Variants in CEP128 observed in about 807,000 individuals in gnomAD.
CEP128 encodes the protein centrosomal protein 128, also known as centrosomal protein 128kDa.
In CEP128, 132 loss-of-function variants were observed where a neutral mutation model predicts 156.7. The ratio of observed to expected loss-of-function variants is 0.84; its 90% CI spans 0.73 to 0.97. The LOEUF (loss-of-function observed/expected upper bound fraction) is 0.97, where lower values mean the gene tolerates loss of function less well. Among genes scored for constraint, CEP128 ranks in the 50% least tolerant of loss-of-function variants. The pLI, the probability that CEP128 is intolerant of heterozygous loss-of-function variation, is 0.00. For synonymous variants in CEP128, 469 were observed against 448.9 expected (o/e 1.04, Z -0.57); for missense variants, 1,252 against 1,281.9 (o/e 0.98, Z 0.36).
chr14:80,849,062 G>A (rs894675449), intron 9 of CEP128, among the ~76,000 whole-genome samples: 68 of 152,138 alleles, frequency 4.5e-4, no homozygotes, highest in African/African-American at 1.4e-3. Flanking sequence ...GTAGTGGTAG[G>A]AAATGAACAG....
In CEP128 at chr14:80,729,062, T is replaced by G. The variant is rs1261430951; in HGVS notation, c.2806+14013A>C. Among the ~76,000 whole-genome samples, 204 of 30,664 alleles carry G rather than the reference T, an allele frequency of 6.7e-3. 5 individuals are homozygous for G. Among genetic ancestry groups the G allele is most frequent in the African/African-American group, 0.016 (133 of 8,532 alleles). The allele number at this position is 30,664 out of a possible 152,430, so 20.1% of individuals were successfully genotyped here. A position where few individuals can be genotyped will look rare whatever the true frequency, so the allele number is the denominator to read the frequency against. ...GTCCCAGGCTGGGCTGGTGGGGGTG[T>G]GTGTGTGTGTGTGTGTGTGTGTGTG... On this transcript the variant is annotated intron_variant, in intron 19 of 24. Transcript: ENST00000555265.
At chr14:80,863,166 A>G (rs1198041688) in intron 8 of CEP128, among the ~76,000 whole-genome samples, 1 of 152,222 alleles carries the variant, frequency 6.6e-6, no homozygotes, top group Non-Finnish European at 1.5e-5. Context: ...TAAAAGTAAT[A>G]CACTAGAAAA....
At chr14:80,935,909 G>C (rs1316965156) in intron 2 of CEP128, among the ~76,000 whole-genome samples, 1 of 152,058 alleles carries the variant, frequency 6.6e-6, no homozygotes, top group African/African-American at 2.4e-5. Flanking sequence ...CAATATGACA[G>C]GTAAGGAAAC....
At chr14:80,787,162 C>T (rs1901452767) in intron 14 of CEP128, among the ~76,000 whole-genome samples, 1 of 152,148 alleles carries the variant, frequency 6.6e-6, no homozygotes, top group Non-Finnish European at 1.5e-5. Context: ...GCAAGGTATT[C>T]AGCTTAAGGT....
intron 24 of CEP128, among the ~76,000 whole-genome samples, chr14:80,501,047 G>C (rs1402694889): frequency 6.7e-6 from 1 of 150,314 alleles, no homozygotes; most frequent in East Asian, 1.9e-4. Flanking sequence ...TTTTTTTTAA[G>C]TGTTCAATCG....
intron 23 of CEP128, among the ~76,000 whole-genome samples, chr14:80,521,924 T>C (rs1481394474): frequency 2.6e-5 from 4 of 152,166 alleles, no homozygotes; most frequent in South Asian, 2.1e-4. Flanking sequence ...TCTAAATCTC[T>C]GTATAGGGGA....
intron 19 of CEP128, among the ~76,000 whole-genome samples, chr14:80,632,705 T>C (rs1894012394): frequency 6.6e-6 from 1 of 152,098 alleles, no homozygotes; most frequent in South Asian, 2.1e-4. Flanking sequence ...CCAATTACTC[T>C]GCAATTACAA....
At chr14:80,914,592 A>G (rs1026536148) in intron 3 of CEP128, among the ~76,000 whole-genome samples, 184 bp from the exon 4 acceptor site, 5 of 152,360 alleles carry the variant, frequency 3.3e-5, no homozygotes, top group Middle Eastern at 3.4e-3. Flanking sequence ...GAGAAACTCA[A>G]ATCCAACTGC....
At chr14:80,888,324 C>CA (rs1412309756) in intron 8 of CEP128, among the ~76,000 whole-genome samples, 3 of 151,846 alleles carry the variant, frequency 2.0e-5, no homozygotes, top group Non-Finnish European at 4.4e-5. Flanking sequence ...AGAAACACAA[C>CA]AAAAAAAGAA....
chr14:80,602,420 C>T (rs1055611596), intron 19 of CEP128, among the ~76,000 whole-genome samples: 6 of 152,130 alleles, frequency 3.9e-5, no homozygotes. Context: ...CACATTCTCC[C>T]CAAAGGCATA....
At chr14:80,798,639 T>G (rs1883640420) in intron 13 of CEP128, among the ~76,000 whole-genome samples, 1 of 152,200 alleles carries the variant, frequency 6.6e-6, no homozygotes, top group Non-Finnish European at 1.5e-5. Flanking sequence ...ATTATTTAAG[T>G]AAAACTTTAT....
chr14:80,563,522 A>ATTTTT, intron 20 of CEP128, among the ~76,000 whole-genome samples: 1 of 107,176 alleles, frequency 9.3e-6, no homozygotes, highest in Non-Finnish European at 1.8e-5. Context: ...GGGCCTCCAA[A>ATTTTT]TCTTTTTTTT....
intron 19 of CEP128, among the ~76,000 whole-genome samples, chr14:80,610,754 T>C (rs573006574): frequency 5.3e-5 from 8 of 152,274 alleles, no homozygotes; most frequent in Middle Eastern, 3.4e-3. Flanking sequence ...TTCACTGCAG[T>C]GTTACAGCAA....
chr14:80,792,769 C>T lies in CEP128; in HGVS notation c.1551G>A (p.Lys517=), dbSNP rs771564462. 1 of 1,613,398 alleles carries T rather than the reference C, an allele frequency of 6.2e-7. No individual in the cohort carries two copies. The highest frequency in any genetic ancestry group is 8.5e-7 in the Non-Finnish European group (1 of 1,179,452). ...AATGTGGCTTTTATACCTGATTATTCTTGCCTGTCAGTTCATCAACAGTTT... is the reference window on the plus strand; with the variant it reads ...AATGTGGCTTTTATACCTGATTATTTTTGCCTGTCAGTTCATCAACAGTTT... ...QSETVDELTG[K]NNQILKEKDE... Residue 517 remains lysine, a synonymous_variant, in exon 14 of 25, where the codon AAG becomes AAA. Transcript: ENST00000555265.
chr14:80,720,209 T>C (rs1897763130), intron 19 of CEP128, among the ~76,000 whole-genome samples: 1 of 152,072 alleles, frequency 6.6e-6, no homozygotes, highest in South Asian at 2.1e-4. Flanking sequence ...GCATAAAATG[T>C]GTCAGAACAT....
At chr14:80,703,801 A>ATG (rs952400117) in intron 19 of CEP128, among the ~76,000 whole-genome samples, 1 of 151,902 alleles carries the variant, frequency 6.6e-6, no homozygotes, top group African/African-American at 2.4e-5. Context: ...GTATATGTGT[A>ATG]TGTGTGTGTG....
chr14:80,617,219 CTTTTTTTT>C lies in CEP128; in HGVS notation c.2807-36804_2807-36797del, dbSNP rs3069115. ...ATCACTTAACCTATGTGAATATCAT[CTTTTTTTT>C]TTTTTTTTTTTTTTTTTTTTTGAGA... On this transcript the variant is annotated intron_variant, in intron 19 of 24. Transcript: ENST00000555265. 4.2e-3 allele frequency among the ~76,000 whole-genome samples: 252 copies of C among 60,218 alleles called. 2 individuals carry two copies. The East Asian group carries it at 0.075, about 18-fold the overall frequency. 39.5% of individuals were successfully genotyped at this position (60,218 alleles called of 152,430 possible). A position where few individuals can be genotyped will look rare whatever the true frequency, so the allele number is the denominator to read the frequency against.
At chr14:80,767,378 C>G (rs1161538737) in intron 16 of CEP128, among the ~76,000 whole-genome samples, 1 of 151,602 alleles carries the variant, frequency 6.6e-6, no homozygotes, top group African/African-American at 2.4e-5. Flanking sequence ...TAGATTTTTA[C>G]GTAATGGAGA....
intron 19 of CEP128, among the ~76,000 whole-genome samples, chr14:80,582,881 G>C (rs535197181): frequency 1.3e-5 from 2 of 152,258 alleles, no homozygotes; most frequent in Non-Finnish European, 2.9e-5. Context: ...TAATGAATTA[G>C]ATTGTTTAAT....
Sources: gnomAD v4.1 joint callset for allele counts (sites outside exome capture counted in the v4.1 genomes callset) on GRCh38, gnomAD v4.1.1 for gene constraint, MANE v1.5 for transcripts, NCBI Gene and HGNC (gene_info 2026-07-23, HGNC 2026-07-21) for gene names.